The following LRCH3 variants were observed in gnomAD, a reference collection of about 807,000 sequenced individuals.
LRCH3 encodes the protein leucine rich repeats and calponin homology domain containing 3.
A neutral mutation model predicts 104.5 loss-of-function variants in LRCH3; 68 were observed. The ratio of observed to expected loss-of-function variants is 0.65; its 90% CI spans 0.54 to 0.80. LRCH3 has a LOEUF of 0.80. Among genes scored for constraint, LRCH3 ranks in the 30% least tolerant of loss-of-function variants. LRCH3 has a pLI of 0.00. For missense variants in LRCH3, 951 were observed against 953.9 expected, an observed-to-expected ratio of 1.00 and a Z score of 0.04; for synonymous variants, 344 against 361.3, an observed-to-expected ratio of 0.95 and a Z score of 0.54.
chr3:197,801,244 G>A (rs1731865421), intron 1 of LRCH3, among the ~76,000 whole-genome samples: 1 of 152,100 alleles, frequency 6.6e-6, no homozygotes, highest in Non-Finnish European at 1.5e-5. Context: ...AAATATAAGT[G>A]CTAAAAGTAC....
intron 20 of LRCH3, chr3:197,881,856 C>T: frequency 1.0e-6 from 1 of 985,404 alleles, no homozygotes; most frequent in Non-Finnish European, 1.2e-6. Context: ...GTGTAGAATT[C>T]AGCCTGAGGG....
chr3:197,832,426 T>C, intron 8 of LRCH3, 109 bp downstream of exon 8: 1 of 1,079,372 alleles, frequency 9.3e-7, no homozygotes, highest in Non-Finnish European at 1.3e-6. Context: ...TTCTTCACTC[T>C]TCTTTTAAAG....
Position 197,840,082 on chromosome 3 carries a change from G to A in LRCH3, c.1328+685G>A, listed in dbSNP as rs148256464. ...GAGAAATAGTCAGAGACAGTGATAT[G>A]TATCACCAGTCCTGTCTCCGTTAAT... On this transcript the variant is annotated intron_variant, in intron 10 of 20. Coordinates refer to ENST00000425562, the MANE Select transcript of LRCH3 (RefSeq NM_001365715.1). Among the ~76,000 whole-genome samples, 181 of 152,114 alleles carry A rather than the reference G, an allele frequency of 1.2e-3. 1 individual carries two copies. The highest frequency in any genetic ancestry group is 4.1e-3 in the African/African-American group (172 of 41,482).
chr3:197,833,262 G>A (rs1300047301), intron 8 of LRCH3, among the ~76,000 whole-genome samples: 3 of 144,328 alleles, frequency 2.1e-5, no homozygotes, highest in Non-Finnish European at 4.5e-5. Flanking sequence ...GCTCACGCCT[G>A]TAATCCCAAC....
At chr3:197,850,351 C>CTTTTTTTTTTT (rs199876882) in intron 12 of LRCH3, 45 of 619,494 alleles carry the variant, frequency 7.3e-5, no homozygotes, top group East Asian at 2.3e-4. Flanking sequence ...ACCATTTTTT[C>CTTTTTTTTTTT]TTTTTTTTTT....
intron 20 of LRCH3, chr3:197,881,860 C>G (rs1420094015): frequency 5.1e-6 from 5 of 985,282 alleles, no homozygotes; most frequent in Non-Finnish European, 6.0e-6. Flanking sequence ...AGAATTCAGC[C>G]TGAGGGGCTC....
chr3:197,821,748 C>T (rs1734516463), intron 4 of LRCH3, among the ~76,000 whole-genome samples: 2 of 152,224 alleles, frequency 1.3e-5, no homozygotes, highest in African/African-American at 2.4e-5. Flanking sequence ...GAACATGGCT[C>T]ACTGCAGCCT....
chr3:197,813,820 C>T (rs117841738), intron 1 of LRCH3, among the ~76,000 whole-genome samples: 3,355 of 152,096 alleles, frequency 0.022, 67 homozygotes, highest in East Asian at 0.053. Flanking sequence ...CGTGAGCCAC[C>T]GCGCCTGGCC....
intron 19 of LRCH3, among the ~76,000 whole-genome samples, chr3:197,872,873 A>T (rs1214073848): frequency 6.6e-6 from 1 of 152,152 alleles, no homozygotes; most frequent in Non-Finnish European, 1.5e-5. Context: ...AAAAAAGGGA[A>T]AAGAAAAGAA....
chr3:197,847,424 A>G lies in LRCH3; in HGVS notation c.1344A>G (p.Pro448=). 1 of 1,600,692 alleles carries G rather than the reference A, an allele frequency of 6.2e-7. No homozygotes were observed. The highest frequency in any genetic ancestry group is 8.5e-7 in the Non-Finnish European group (1 of 1,175,208). Reference sequence around the variant, plus strand: ...TTTGGGTCAGGGTTCCAGCTGAGCCATCTTCCCTCCTGTCACTATCAGCAA... The same window carrying G: ...TTTGGGTCAGGGTTCCAGCTGAGCCGTCTTCCCTCCTGTCACTATCAGCAA... ...YLHQNRVPAE[P]SSLLSLSASH... The change falls in exon 11 of 21, where the codon CCA becomes CCG. Residue 448 remains proline (P), a synonymous_variant. Transcript: ENST00000425562.
Position 197,884,292 on chromosome 3 carries a change from C to CAACA in LRCH3, c.*627_*630dup. 1 of 152,530 alleles carries CAACA rather than the reference C, an allele frequency of 6.6e-6. No individual in the cohort carries two copies. The allele number at this position is 152,530 out of a possible 1,614,324, so 9.4% of individuals were successfully genotyped here. A position where few individuals can be genotyped will look rare whatever the true frequency, so the allele number is the denominator to read the frequency against. On this transcript the variant is annotated 3_prime_UTR_variant, in exon 21 of 21. Transcript: ENST00000425562. Reference sequence around the variant, plus strand: ...GCCTCAGCCTCCCGAGTAGCTGGGACAACAGGTGCCCGCCACCATGCCTGG... The same window carrying CAACA: ...GCCTCAGCCTCCCGAGTAGCTGGGACAACAAACAGGTGCCCGCCACCATGCCTGG...
chr3:197,875,866 G>A (rs1712830329), intron 20 of LRCH3, 91 bp downstream of exon 20: 1 of 793,618 alleles, frequency 1.3e-6, no homozygotes, highest in African/African-American at 1.7e-5. Context: ...TACAGGACTA[G>A]CTCTGAGCTA....
At position 197,842,689 on chromosome 3, in the gene LRCH3, A is replaced by G. The variant is rs572308973; in HGVS notation, c.1328+3292A>G. ...GGAGATCATAAACATAGGGAGATAC[A>G]ATAAATAAAAAGTGTGAATGTTTTG... On this transcript the variant is annotated intron_variant, in intron 10 of 20. Transcript: ENST00000425562. Among the ~76,000 whole-genome samples the G allele has an allele frequency of 3.9e-5, 6 of 152,322 alleles. No homozygotes were observed. In the East Asian group the frequency reaches 9.6e-4, roughly 24 times the overall value.
At chr3:197,863,579 G>GTA (rs1193878469) in intron 15 of LRCH3, among the ~76,000 whole-genome samples, 1 of 152,058 alleles carries the variant, frequency 6.6e-6, no homozygotes, top group Non-Finnish European at 1.5e-5. Flanking sequence ...TTTCTTAACT[G>GTA]TACTCCCCTG....
intron 20 of LRCH3, among the ~76,000 whole-genome samples, chr3:197,878,022 C>T (rs186068057): frequency 5.9e-5 from 9 of 152,266 alleles, no homozygotes; most frequent in Admixed American, 5.9e-4. Context: ...CAGTTCTTCC[C>T]TTCTGCTTCC....
intron 4 of LRCH3, among the ~76,000 whole-genome samples, chr3:197,821,886 C>T (rs999211585): frequency 2.0e-5 from 3 of 152,212 alleles, no homozygotes; most frequent in Admixed American, 2.0e-4. Flanking sequence ...GTTGCCCAGG[C>T]TGGTCTCAAA....
At chr3:197,833,764 A>G (rs903421292) in intron 8 of LRCH3, among the ~76,000 whole-genome samples, 12 of 152,188 alleles carry the variant, frequency 7.9e-5, no homozygotes, top group African/African-American at 2.9e-4. Flanking sequence ...TTCAAACGAC[A>G]TATGTGGTTC....
At chr3:197,811,677 G>C (rs75865926) in intron 1 of LRCH3, among the ~76,000 whole-genome samples, 2,577 of 152,208 alleles carry the variant, frequency 0.017, 41 homozygotes, top group Middle Eastern at 0.061. Flanking sequence ...CTTAGTTACT[G>C]AGATTTAAAG....
chr3:197,845,088 A>C (rs1433675664), intron 10 of LRCH3, among the ~76,000 whole-genome samples: 3 of 152,166 alleles, frequency 2.0e-5, no homozygotes, highest in Non-Finnish European at 4.4e-5. Context: ...AAGTGGAAAC[A>C]ATGGGTTTGA....
Sources: allele counts gnomAD v4.1 joint callset (sites outside exome capture counted in the v4.1 genomes callset), GRCh38; gene constraint gnomAD v4.1.1; transcripts MANE v1.5; gene names NCBI Gene and HGNC (gene_info 2026-07-23, HGNC 2026-07-21).